Variants in MAP2K1 observed in about 807,000 individuals in gnomAD.
The protein encoded by MAP2K1 is mitogen-activated protein kinase kinase 1.
Under a neutral mutation model 46.3 loss-of-function variants are expected in MAP2K1, and 16 were observed. The ratio of observed to expected loss-of-function variants is 0.35; its 90% CI spans 0.23 to 0.52. The LOEUF is 0.52. MAP2K1 is among the 20% of genes least tolerant of loss of function. MAP2K1 has a pLI of 0.94. For missense variants in MAP2K1, 263 were observed against 497.1 expected (o/e 0.53, Z 4.48); for synonymous variants, 183 against 185.6 (o/e 0.99, Z 0.11).
At chr15:66,489,347 G>T in intron 9 of MAP2K1, 71 bp downstream of exon 9, 2 of 1,387,344 alleles carry the variant, frequency 1.4e-6, no homozygotes, top group Admixed American at 1.7e-5. Flanking sequence ...ATTTCTGGAA[G>T]CACCAGCATT....
chr15:66,477,146 T>C (rs1892771913), intron 5 of MAP2K1, among the ~76,000 whole-genome samples: 1 of 152,154 alleles, frequency 6.6e-6, no homozygotes, highest in African/African-American at 2.4e-5. Flanking sequence ...TCCTAGGCAG[T>C]GTTTTTCCCT....
chr15:66,447,358 G>A (rs1485869364), intron 5 of MAP2K1, among the ~76,000 whole-genome samples: 9 of 152,094 alleles, frequency 5.9e-5, no homozygotes, highest in African/African-American at 2.2e-4. Context: ...TTCTGATTCA[G>A]TAGGTCTGGG....
At chr15:66,488,402 C>T (rs773362087) in intron 8 of MAP2K1, among the ~76,000 whole-genome samples, 2 of 152,240 alleles carry the variant, frequency 1.3e-5, no homozygotes, top group African/African-American at 4.8e-5. Context: ...TTTTTAGTCC[C>T]AAATTAAAAA....
intron 1 of MAP2K1, among the ~76,000 whole-genome samples, chr15:66,420,869 G>GTGTGTGTATATA (rs2093439283): frequency 5.5e-5 from 7 of 127,388 alleles, no homozygotes; most frequent in African/African-American, 2.0e-4. Context: ...GTATATATAT[G>GTGTGTGTATATA]TGTGTATATA....
At chr15:66,466,504 C>A (rs1317370819) in intron 5 of MAP2K1, among the ~76,000 whole-genome samples, 1 of 150,890 alleles carries the variant, frequency 6.6e-6, no homozygotes, top group Non-Finnish European at 1.5e-5. Flanking sequence ...CATGGTGAAA[C>A]CCCATCTCTA....
chr15:66,413,412 A>G (rs1372445976), intron 1 of MAP2K1, among the ~76,000 whole-genome samples: 2 of 152,232 alleles, frequency 1.3e-5, no homozygotes, highest in Non-Finnish European at 2.9e-5. Flanking sequence ...TAGGGCAACT[A>G]ACCTGCTCTA....
At chr15:66,410,108 G>A (rs1391777034) in intron 1 of MAP2K1, among the ~76,000 whole-genome samples, 3 of 152,168 alleles carry the variant, frequency 2.0e-5, no homozygotes, top group Non-Finnish European at 4.4e-5. Flanking sequence ...ACCTGCATCC[G>A]GATCCGTTGA....
intron 1 of MAP2K1, among the ~76,000 whole-genome samples, chr15:66,420,723 G>A (rs201008597): frequency 0.76 from 24,592 of 32,522 alleles, 9,504 homozygotes; most frequent in East Asian, 0.89. Context: ...ATATATATAT[G>A]TGTGTGTGTG....
chr15:66,419,744 A>C (rs974759884), intron 1 of MAP2K1, among the ~76,000 whole-genome samples: 3 of 152,126 alleles, frequency 2.0e-5, no homozygotes, highest in Non-Finnish European at 2.9e-5. Context: ...ATGACTGCAG[A>C]AACATGTTGT....
chr15:66,392,288 GT>G (rs2093358409), intron 1 of MAP2K1, among the ~76,000 whole-genome samples: 1 of 89,134 alleles, frequency 1.1e-5, no homozygotes, highest in South Asian at 3.9e-4. Flanking sequence ...TTAAGAAAGG[GT>G]TTCGCTCCCA....
At chr15:66,425,056 A>G (rs1392174185) in intron 1 of MAP2K1, among the ~76,000 whole-genome samples, 2 of 151,998 alleles carry the variant, frequency 1.3e-5, no homozygotes, top group Non-Finnish European at 2.9e-5. Context: ...TCGGCCTCCT[A>G]AAGTGCTGGG....
intron 1 of MAP2K1, among the ~76,000 whole-genome samples, chr15:66,403,048 C>G (rs1566996850): frequency 6.6e-6 from 1 of 152,146 alleles, no homozygotes; most frequent in African/African-American, 2.4e-5. Context: ...AACAGGTTCT[C>G]TAGACCTGGG....
intron 1 of MAP2K1, among the ~76,000 whole-genome samples, chr15:66,395,829 A>C (rs2093366311): frequency 6.6e-6 from 1 of 152,024 alleles, no homozygotes; most frequent in African/African-American, 2.4e-5. Flanking sequence ...CCACTGCCTC[A>C]GCCTCCCAAA....
chr15:66,396,294 T>C (rs937016169), intron 1 of MAP2K1, among the ~76,000 whole-genome samples: 1 of 152,012 alleles, frequency 6.6e-6, no homozygotes, highest in African/African-American at 2.4e-5. Flanking sequence ...TTTTGTTTTT[T>C]TGAGATGGAG....
In MAP2K1 at chr15:66,485,176, G is replaced by A. The variant is rs1205783274; in HGVS notation, c.880G>A (p.Gly294Arg). ...AETPPRPRTP[G>R]RPLSSYGMDS... is the part of the protein sequence containing the mutation. ...GACCCCACCCAGGCCAAGGACCCCCGGGAGGCCCCTTAGCTGTGAGTAGCC... is the reference window on the plus strand; with the variant it reads ...GACCCCACCCAGGCCAAGGACCCCCAGGAGGCCCCTTAGCTGTGAGTAGCC... Residue 294 changes from glycine to arginine, a missense_variant, in exon 7 of 11, where the codon GGG becomes AGG. Physicochemically the swap from Gly to Arg is moderately radical, Grantham distance 125. Around this residue, in one of 4 missense-constraint regions of MAP2K1, gnomAD observed 118 missense variants for 193.0 expected, o/e 0.61. Coordinates refer to ENST00000307102, the MANE Select transcript of MAP2K1 (RefSeq NM_002755.4). The A allele has an allele frequency of 3.1e-6, 5 of 1,613,782 alleles. No homozygotes were observed. Among genetic ancestry groups the A allele is most frequent in the South Asian group, 2.2e-5 (2 of 91,058 alleles).
At chr15:66,483,830 CCCTGCCTCCCAGG>C (rs1426817687) in intron 6 of MAP2K1, among the ~76,000 whole-genome samples, 1 of 149,736 alleles carries the variant, frequency 6.7e-6, no homozygotes, top group Admixed American at 6.7e-5. Context: ...TTACTGCAAG[CCCTGCCTCCCAGG>C]TTCACTCCAT....
At chr15:66,401,899 G>A (rs1038929725) in intron 1 of MAP2K1, 21 of 1,000,292 alleles carry the variant, frequency 2.1e-5, no homozygotes, top group Non-Finnish European at 3.0e-5. Flanking sequence ...GCAAGTAGTT[G>A]AGTGTGACGG....
At position 66,436,621 on chromosome 15, in the gene MAP2K1, G is replaced by A. The variant is rs2093488698; in HGVS notation, c.292-125G>A. On this transcript the variant is annotated intron_variant, in intron 2 of 10. Coordinates refer to ENST00000307102, the MANE Select transcript of MAP2K1 (RefSeq NM_002755.4). ...TTCTTGGTTGAGCAGAAACTTGTTT[G>A]TAACAACTTAACCTGTTTCTCCTCC... is the stretch of plus-strand genomic sequence containing the variant. 8 of 949,604 alleles carry A rather than the reference G, an allele frequency of 8.4e-6. No individual in the cohort carries two copies. The Admixed American group carries it at 1.3e-4, about 15-fold the overall frequency. 58.8% of individuals were successfully genotyped at this position (949,604 alleles called of 1,614,324 possible). A position where few individuals can be genotyped will look rare whatever the true frequency, so the allele number is the denominator to read the frequency against.
At chr15:66,481,172 G>A (rs1458452808) in intron 5 of MAP2K1, among the ~76,000 whole-genome samples, 1 of 151,980 alleles carries the variant, frequency 6.6e-6, no homozygotes, top group African/African-American at 2.4e-5. Context: ...TGTGTAGGCT[G>A]TTAGGTGAGT....
Sources: gnomAD v4.1 joint callset for allele counts (sites outside exome capture counted in the v4.1 genomes callset) on GRCh38, gnomAD v4.1.1 for gene constraint, gnomAD v4.1.1 regional missense constraint, MANE v1.5 for transcripts, NCBI Gene and HGNC (gene_info 2026-07-23, HGNC 2026-07-21) for gene names.